DLGAP2: variants seen among roughly 807,000 people sequenced by gnomAD.
DLGAP2 encodes disks large-associated protein 2.
In DLGAP2, 26 loss-of-function variants were observed where a neutral mutation model predicts 100.3. The ratio of observed to expected loss-of-function variants is 0.26; its 90% CI spans 0.19 to 0.36. The LOEUF (loss-of-function observed/expected upper bound fraction) is 0.36. Ranked by LOEUF, DLGAP2 falls within the 10% of genes least tolerant of loss-of-function variation. DLGAP2 has a pLI of 1.00. For missense variants in DLGAP2, 1,858 were observed against 1,453.2 expected (o/e 1.28, Z -4.53); for synonymous variants, 886 against 630.1 (o/e 1.41, Z -6.08).
intron 3 of DLGAP2, among the ~76,000 whole-genome samples, chr8:1,274,841 C>T (rs995271744): frequency 6.6e-6 from 1 of 151,544 alleles, no homozygotes; most frequent in Non-Finnish European, 1.5e-5. Context: ...TCTCTTAACT[C>T]ATCAACTTAA....
intron 12 of DLGAP2, among the ~76,000 whole-genome samples, chr8:1,689,449 G>C (rs997554672): frequency 1.5e-4 from 22 of 149,922 alleles, no homozygotes; most frequent in African/African-American, 5.2e-4. Context: ...TGCGTTCAAG[G>C]GGGCAAATCT....
chr8:1,416,278 G>C (rs940453880), intron 3 of DLGAP2, among the ~76,000 whole-genome samples: 5 of 152,194 alleles, frequency 3.3e-5, no homozygotes, highest in Non-Finnish European at 7.3e-5. Context: ...GCGGGGGATT[G>C]TAGGTTCCCG....
chr8:1,530,870 C>G (rs1023504370), intron 4 of DLGAP2, among the ~76,000 whole-genome samples: 1 of 152,166 alleles, frequency 6.6e-6, no homozygotes, highest in Non-Finnish European at 1.5e-5. Flanking sequence ...GACTTGGGGT[C>G]AGAAGAGACT....
At chr8:1,305,558 C>T (rs764284276) in intron 3 of DLGAP2, among the ~76,000 whole-genome samples, 7 of 152,132 alleles carry the variant, frequency 4.6e-5, no homozygotes, top group Admixed American at 3.9e-4. Flanking sequence ...CTGTGCTTCA[C>T]CCAAATTGAA....
chr8:900,211 C>T (rs1319823393), intron 1 of DLGAP2, among the ~76,000 whole-genome samples: 5 of 149,986 alleles, frequency 3.3e-5, no homozygotes, highest in African/African-American at 2.5e-5. Flanking sequence ...GGGTCGCTCC[C>T]GGGCGGACGG....
At chr8:900,367 G>T (rs1022291592) in intron 1 of DLGAP2, among the ~76,000 whole-genome samples, 3 of 151,844 alleles carry the variant, frequency 2.0e-5, no homozygotes, top group East Asian at 1.9e-4. Flanking sequence ...TCTTCACGGG[G>T]TTGCTCCCGG....
intron 1 of DLGAP2, among the ~76,000 whole-genome samples, chr8:804,528 A>C (rs1213753225): frequency 1.3e-5 from 2 of 152,206 alleles, no homozygotes; most frequent in African/African-American, 4.8e-5. Flanking sequence ...CAGGGCTGAC[A>C]TGCTATGGTT....
intron 3 of DLGAP2, among the ~76,000 whole-genome samples, chr8:1,480,696 T>TA (rs111610819): frequency 0.015 from 1,921 of 129,364 alleles, 15 homozygotes; most frequent in Non-Finnish European, 0.021. Flanking sequence ...CTAATAATAA[T>TA]AAAAAAAAAA....
chr8:1,379,483 C>T (rs1368502942), intron 3 of DLGAP2: 1 of 152,318 alleles, frequency 6.6e-6, no homozygotes, highest in Non-Finnish European at 1.5e-5. Flanking sequence ...CGAATTTCCT[C>T]CTCCCGCTTC....
chr8:1,274,014 G>T (rs1266807065), intron 3 of DLGAP2, among the ~76,000 whole-genome samples: 3 of 152,138 alleles, frequency 2.0e-5, no homozygotes, highest in South Asian at 2.1e-4. Flanking sequence ...ATATATGAAA[G>T]TCTTGTCAAT....
chr8:1,466,026 C>T (rs1009397422), intron 3 of DLGAP2, among the ~76,000 whole-genome samples: 1 of 152,172 alleles, frequency 6.6e-6, no homozygotes, highest in African/African-American at 2.4e-5. Context: ...ATGAGGCGGG[C>T]ACCGTGGGCG....
At chr8:754,436 A>T (rs1820869649) in intron 1 of DLGAP2, among the ~76,000 whole-genome samples, 1 of 152,192 alleles carries the variant, frequency 6.6e-6, no homozygotes, top group East Asian at 1.9e-4. Context: ...CTCTGTGCCC[A>T]TGCCTTTCCT....
chr8:1,321,119 G>A (rs1392617448), intron 3 of DLGAP2, among the ~76,000 whole-genome samples: 1 of 151,868 alleles, frequency 6.6e-6, no homozygotes, highest in Admixed American at 6.6e-5. Context: ...CTGTGTGTGT[G>A]TGCATCCATG....
rs530352644 is a variant in DLGAP2, at chr8:1,025,386, G to A, written c.73+117420G>A. On this transcript the variant is annotated intron_variant, in intron 2 of 14. Coordinates refer to ENST00000637795, the MANE Select transcript of DLGAP2 (RefSeq NM_001346810.2). ...TCTTCCCATAAACTTAACTGAGCCC[G>A]GCATTGGGATGACAAAGATTAATAA... Among the ~76,000 whole-genome samples the A allele has an allele frequency of 7.9e-5, 12 of 152,228 alleles. No homozygotes were observed. The South Asian group carries it at 1.2e-3, about 16-fold the overall frequency.
intron 1 of DLGAP2, among the ~76,000 whole-genome samples, chr8:809,105 A>G (rs1037429378): frequency 2.0e-5 from 3 of 152,036 alleles, no homozygotes; most frequent in East Asian, 1.9e-4. Context: ...GGATTTCACC[A>G]TGTTGGCCAG....
chr8:1,319,316 G>C (rs915460103), intron 3 of DLGAP2, among the ~76,000 whole-genome samples: 1 of 152,194 alleles, frequency 6.6e-6, no homozygotes. Context: ...TGAAACCTGA[G>C]ACCAACCTTC....
chr8:1,606,307 A>T (rs1424333610), intron 6 of DLGAP2, among the ~76,000 whole-genome samples: 1 of 152,224 alleles, frequency 6.6e-6, no homozygotes, highest in African/African-American at 2.4e-5. Context: ...AGTACAATTC[A>T]GTGGTTCTTA....
chr8:1,375,019 TG>T (rs1359063789), intron 3 of DLGAP2, among the ~76,000 whole-genome samples: 1 of 152,220 alleles, frequency 6.6e-6, no homozygotes, highest in Non-Finnish European at 1.5e-5. Flanking sequence ...AGGTGGTCAC[TG>T]GGGAGCATGC....
chr8:1,644,976 C>T (rs1585027992), intron 8 of DLGAP2, among the ~76,000 whole-genome samples: 1 of 152,210 alleles, frequency 6.6e-6, no homozygotes, highest in South Asian at 2.1e-4. Context: ...GGCACAGTGG[C>T]TCACGCCTGT....
Sources: gnomAD v4.1 joint callset for allele counts (sites outside exome capture counted in the v4.1 genomes callset) on GRCh38, gnomAD v4.1.1 for gene constraint, MANE v1.5 for transcripts, NCBI Gene and HGNC (gene_info 2026-07-23, HGNC 2026-07-21) for gene names.